The following NAP1L4 variants were observed in gnomAD, a reference collection of about 807,000 sequenced individuals.
NAP1L4 encodes nucleosome assembly protein 1-like 4.
In NAP1L4, 15 loss-of-function variants were observed where a neutral mutation model predicts 58.2. The ratio of observed to expected loss-of-function variants is 0.26; its 90% CI spans 0.17 to 0.40. NAP1L4 has a LOEUF of 0.40. Ranked by LOEUF, NAP1L4 falls within the 10% of genes least tolerant of loss-of-function variation. The probability of loss-of-function intolerance (pLI) is 1.00; values close to 1 mark genes in which losing one functional copy is unlikely to be tolerated. For synonymous variants in NAP1L4, 171 were observed against 155.6 expected (o/e 1.10, Z -0.74); for missense variants, 384 against 451.1 (o/e 0.85, Z 1.35).
intron 8 of NAP1L4, among the ~76,000 whole-genome samples, chr11:2,963,098 C>CAAAAAAAAAAAAAAAAGAAAAAA (rs1847035247): frequency 1.0e-5 from 1 of 97,092 alleles, no homozygotes; most frequent in Non-Finnish European, 2.0e-5. Flanking sequence ...GACTCGGTCT[C>CAAAAAAAAAAAAAAAAGAAAAAA]AAAAAAAAAA....
At chr11:2,981,274 G>C (rs1225638940) in intron 1 of NAP1L4, among the ~76,000 whole-genome samples, 1 of 150,876 alleles carries the variant, frequency 6.6e-6, no homozygotes, top group African/African-American at 2.4e-5. Context: ...GCTGGACACA[G>C]CGGCTGATAC....
chr11:2,973,158 A>G (rs942720080), intron 4 of NAP1L4, among the ~76,000 whole-genome samples: 10 of 152,200 alleles, frequency 6.6e-5, no homozygotes, highest in Non-Finnish European at 1.2e-4. Flanking sequence ...ACACTGGAGG[A>G]AAAAATCTGA....
Position 2,946,738 on chromosome 11 carries a change from C to G in NAP1L4, c.*33-1092G>C, listed in dbSNP as rs2133887955. Reference sequence around the variant, plus strand: ...CCTTGAACCCTGGTGTCTAAGCTCCCAATCTCAGCCACCCCAGAGGCTGCC... The same window carrying G: ...CCTTGAACCCTGGTGTCTAAGCTCCGAATCTCAGCCACCCCAGAGGCTGCC... On this transcript the variant is annotated intron_variant, in intron 15 of 15. Transcript: ENST00000380542. The surrounding 1 kb of genome is among the most constrained non-coding windows in gnomAD (Gnocchi z 4.8). 6.6e-6 allele frequency among the ~76,000 whole-genome samples: 1 copy of G among 152,322 alleles called. No homozygotes were observed. The highest frequency in any genetic ancestry group is 1.9e-4 in the East Asian group (1 of 5,190).
At chr11:2,968,870 C>T (rs913696675) in intron 7 of NAP1L4, among the ~76,000 whole-genome samples, 4 of 152,166 alleles carry the variant, frequency 2.6e-5, no homozygotes, top group African/African-American at 9.7e-5. Flanking sequence ...TCTATTATAA[C>T]TCATTTCAGG....
At chr11:2,958,678 A>G in intron 9 of NAP1L4, 134 bp from the exon 10 acceptor site, 3 of 838,452 alleles carry the variant, frequency 3.6e-6, no homozygotes, top group Non-Finnish European at 5.4e-6. Flanking sequence ...ACCAAATACA[A>G]TGGCCCATGA....
chr11:2,949,902 TGAG>T lies in NAP1L4; in HGVS notation c.1123-641_1123-639del, dbSNP rs1209185458. Among the ~76,000 whole-genome samples the T allele has an allele frequency of 1.3e-5, 2 of 152,224 alleles. No homozygotes were observed. The highest frequency in any genetic ancestry group is 4.8e-5 in the African/African-American group (2 of 41,464). On this transcript the variant is annotated intron_variant, in intron 14 of 15. Coordinates refer to ENST00000380542, the MANE Select transcript of NAP1L4 (RefSeq NM_005969.4). The surrounding 1 kb of genome is among the most constrained non-coding windows in gnomAD (Gnocchi z 4.0). ...GACAGAGGCAGCTGTGCGCGGAGTC[TGAG>T]GAGGTGGCCCTGCCAATTGACCCCA...
At chr11:2,968,404 A>C (rs558803687) in intron 7 of NAP1L4, among the ~76,000 whole-genome samples, 183 of 152,230 alleles carry the variant, frequency 1.2e-3, no homozygotes, top group Non-Finnish European at 2.1e-3. Context: ...GCATTCTTTT[A>C]AAAGTATGGT....
chr11:2,964,014 A>C, intron 8 of NAP1L4: 2 of 445,142 alleles, frequency 4.5e-6, no homozygotes, highest in Non-Finnish European at 9.0e-6. Context: ...TGGTAGGCTG[A>C]TCCATGCCAC....
intron 1 of NAP1L4, among the ~76,000 whole-genome samples, chr11:2,982,794 G>A (rs984128509): frequency 6.6e-5 from 10 of 152,132 alleles, no homozygotes; most frequent in South Asian, 2.1e-4. Context: ...AGGCCAAGGC[G>A]GGCAGATCAC....
Position 2,971,730 on chromosome 11 carries a change from G to A in NAP1L4, c.316-196C>T, listed in dbSNP as rs952363188. Reference sequence around the variant, plus strand: ...GGTAAACCTGGATGTTTCACCTAAAGATGTAAAATAAAGACAGTCCCCGAT... The same window carrying A: ...GGTAAACCTGGATGTTTCACCTAAAAATGTAAAATAAAGACAGTCCCCGAT... On this transcript the variant is annotated intron_variant, in intron 5 of 15. Coordinates refer to ENST00000380542, the MANE Select transcript of NAP1L4 (RefSeq NM_005969.4). This position sits in a 1 kb window ranked among gnomAD's most constrained non-coding sequence, Gnocchi z 4.2. Among the ~76,000 whole-genome samples the A allele has an allele frequency of 6.6e-6, 1 of 152,166 alleles. No individual in the cohort carries two copies. The highest frequency in any genetic ancestry group is 1.5e-5 in the Non-Finnish European group (1 of 68,024).
chr11:2,965,692 G>A (rs61871237), intron 7 of NAP1L4, among the ~76,000 whole-genome samples: 20,891 of 152,048 alleles, frequency 0.14, 1,523 homozygotes, highest in Middle Eastern at 0.17. Context: ...AACCATGCCC[G>A]GCTAATTTTT....
At chr11:2,969,974 T>C in intron 6 of NAP1L4, 40 bp from the exon 7 acceptor site, 1 of 1,588,188 alleles carries the variant, frequency 6.3e-7, no homozygotes. Context: ...AAATAAAAGT[T>C]TACAAACAAT....
At chr11:2,961,085 T>C (rs944129371) in intron 8 of NAP1L4, among the ~76,000 whole-genome samples, 2 of 151,938 alleles carry the variant, frequency 1.3e-5, no homozygotes, top group African/African-American at 4.8e-5. Flanking sequence ...TGGCTAAATG[T>C]CAGCTGTTTC....
In NAP1L4 at chr11:2,955,838, G is replaced by A. The variant is rs1048475634; in HGVS notation, c.893-72C>T. ...CCAGAATTTTAAAGCCCACACAGGAGGAAGCTGTGCTGGTAGATAAAATGT... is the reference window on the plus strand; with the variant it reads ...CCAGAATTTTAAAGCCCACACAGGAAGAAGCTGTGCTGGTAGATAAAATGT... On this transcript the variant is annotated intron_variant, in intron 10 of 15. Transcript: ENST00000380542. This position sits in a 1 kb window ranked among gnomAD's most constrained non-coding sequence, Gnocchi z 4.2. 5 of 1,385,406 alleles carry A rather than the reference G, an allele frequency of 3.6e-6. No individual in the cohort carries two copies. The highest frequency in any genetic ancestry group is 1.2e-5 in the South Asian group (1 of 84,848). The allele number at this position is 1,385,406 out of a possible 1,614,324, so 85.8% of individuals were successfully genotyped here. A position where few individuals can be genotyped will look rare whatever the true frequency, so the allele number is the denominator to read the frequency against.
rs1846117010 is a variant in NAP1L4 at position 2,949,559 on chromosome 11, A to G, written c.1123-295T>C. The stretch of plus-strand genomic sequence containing the variant: ...GGAAGGTGCATGTGACAGGGACAGC[A>G]GGCTTGGCCTTATCCTGGCCACACA... On this transcript the variant is annotated intron_variant, in intron 14 of 15. Transcript: ENST00000380542. This position sits in a 1 kb window ranked among gnomAD's most constrained non-coding sequence, Gnocchi z 4.0. Among the ~76,000 whole-genome samples, 1 of 152,206 alleles carries G rather than the reference A, an allele frequency of 6.6e-6. No individual in the cohort carries two copies. The highest frequency in any genetic ancestry group is 6.5e-5 in the Admixed American group (1 of 15,274).
chr11:2,979,144 G>A, intron 2 of NAP1L4, 63 bp downstream of exon 2: 2 of 1,495,568 alleles, frequency 1.3e-6, no homozygotes, highest in Non-Finnish European at 1.8e-6. Flanking sequence ...ATTGAAAAAT[G>A]GCTTGGCTGT....
In NAP1L4 at chr11:2,955,660, G is replaced by A; in HGVS notation, c.915+84C>T. 7.1e-7 allele frequency: 1 copy of A among 1,412,352 alleles called. No individual in the cohort carries two copies. Among genetic ancestry groups the A allele is most frequent in the Non-Finnish European group, 9.9e-7 (1 of 1,008,064 alleles). 87.5% of individuals were successfully genotyped at this position (1,412,352 alleles called of 1,614,324 possible). A position where few individuals can be genotyped will look rare whatever the true frequency, so the allele number is the denominator to read the frequency against. On this transcript the variant is annotated intron_variant, in intron 11 of 15. Transcript: ENST00000380542. This position sits in a 1 kb window ranked among gnomAD's most constrained non-coding sequence, Gnocchi z 4.2. ...CCCAGTCCACACACAGCCAGGACTGGACTTTTTTTAACAAGTAGACAAGTA... is the reference window on the plus strand; with the variant it reads ...CCCAGTCCACACACAGCCAGGACTGAACTTTTTTTAACAAGTAGACAAGTA...
intron 8 of NAP1L4, among the ~76,000 whole-genome samples, chr11:2,962,440 A>G (rs1429480616): frequency 6.6e-6 from 1 of 152,226 alleles, no homozygotes; most frequent in Non-Finnish European, 1.5e-5. Context: ...CGCTCAAGGG[A>G]AGGGAATGAG....
At chr11:2,979,358 C>G in intron 1 of NAP1L4, 121 bp from the exon 2 acceptor site, 4 of 742,738 alleles carry the variant, frequency 5.4e-6, no homozygotes, top group Non-Finnish European at 8.9e-6. Context: ...AGGGAACTTT[C>G]TAGAGTGATG....
Sources: allele counts gnomAD v4.1 joint callset (sites outside exome capture counted in the v4.1 genomes callset), GRCh38; gene constraint gnomAD v4.1.1; non-coding constraint Gnocchi (gnomAD v3.1); transcripts MANE v1.5; gene names NCBI Gene and HGNC (gene_info 2026-07-23, HGNC 2026-07-21).